The following ST3GAL2 variants were observed in gnomAD, a reference collection of about 807,000 sequenced individuals.
ST3GAL2 encodes ST3 beta-galactoside alpha-2,3-sialyltransferase 2.
Under a neutral mutation model 37.5 loss-of-function variants are expected in ST3GAL2, and 16 were observed. The ratio of observed to expected loss-of-function variants is 0.43; its 90% confidence interval spans 0.29 to 0.65. The LOEUF (loss-of-function observed/expected upper bound fraction) is 0.65. ST3GAL2 is among the 30% of genes least tolerant of loss of function. ST3GAL2 has a pLI of 0.17. For synonymous variants in ST3GAL2, 238 were observed against 202.9 expected, an observed-to-expected ratio of 1.17 and a Z score of -1.47; for missense variants, 383 against 487.8, an observed-to-expected ratio of 0.79 and a Z score of 2.02.
intron 1 of ST3GAL2, among the ~76,000 whole-genome samples, chr16:70,413,540 A>C (rs1439718737): frequency 1.5e-5 from 2 of 135,524 alleles, no homozygotes; most frequent in East Asian, 4.2e-4. Flanking sequence ...ACATGGAGAA[A>C]CCCGTCTCTA....
Position 70,378,611 on chromosome 16 carries a change from A to C in ST3GAL2, c.*3078T>G, listed in dbSNP as rs1597550389. ...CAGCTACTCGGGAGACTGAGGCAGG[A>C]GAATGGCGTGAACCCGGGAGGCGGA... On this transcript the variant is annotated 3_prime_UTR_variant, in exon 7 of 7. Coordinates refer to ENST00000342907, the MANE Select transcript of ST3GAL2 (RefSeq NM_006927.4). 3 of 148,298 alleles carry C rather than the reference A, an allele frequency of 2.0e-5. No individual in the cohort carries two copies. The highest frequency in any genetic ancestry group is 4.4e-4 in the South Asian group (2 of 4,580). The allele number at this position is 148,298 out of a possible 1,614,324, so 9.2% of individuals were successfully genotyped here.
Position 70,398,350 on chromosome 16 carries a change from T to A in ST3GAL2, c.181A>T (p.Ser61Cys). The change falls in exon 2 of 7, where the codon AGC becomes TGC. Residue 61 changes from serine to cysteine, a missense_variant. Around this residue, in one of 2 missense-constraint regions of ST3GAL2, gnomAD observed 223 missense variants for 239.1 expected, o/e 0.93. Coordinates refer to ENST00000342907, the MANE Select transcript of ST3GAL2 (RefSeq NM_006927.4). ...CTCTTGCCCGAGAGCCTCTCCTTGC[T>A]GAGGCGCTGCAGGCCGGCATAGCCG... ...VPGYAGLQRLSKERLSGKSCA... is the reference protein window; with the variant it reads ...VPGYAGLQRLCKERLSGKSCA... 1 of 1,613,508 alleles carries A rather than the reference T, an allele frequency of 6.2e-7. No individual in the cohort carries two copies.
Position 70,414,185 on chromosome 16 carries a change from A to C in ST3GAL2, c.-1003-14652T>G, listed in dbSNP as rs542369396. On this transcript the variant is annotated intron_variant, in intron 1 of 6. Coordinates refer to ENST00000342907, the MANE Select transcript of ST3GAL2 (RefSeq NM_006927.4). ...GAAACTGGGCATCCCTGCCAATACT[A>C]ATCTCTTGGGAACAGGTATCAAACC... 2.0e-5 allele frequency among the ~76,000 whole-genome samples: 3 copies of C among 152,332 alleles called. No individual in the cohort carries two copies. In the South Asian group the frequency reaches 6.2e-4, roughly 32 times the overall value.
chr16:70,388,263 G>T, intron 4 of ST3GAL2, 104 bp downstream of exon 4: 2 of 1,495,202 alleles, frequency 1.3e-6, no homozygotes, highest in Non-Finnish European at 1.8e-6. Flanking sequence ...AGCCCCTCTT[G>T]GCCAAAATGT....
At chr16:70,404,947 C>T (rs1042005002) in intron 1 of ST3GAL2, among the ~76,000 whole-genome samples, 27 of 150,834 alleles carry the variant, frequency 1.8e-4, no homozygotes, top group Middle Eastern at 3.4e-3. Context: ...GCAGGAGAAT[C>T]GCTTGAACTT....
At chr16:70,428,668 C>T (rs913687061) in intron 1 of ST3GAL2, among the ~76,000 whole-genome samples, 2 of 152,238 alleles carry the variant, frequency 1.3e-5, no homozygotes, top group Admixed American at 6.5e-5. Context: ...GGTCCCCACA[C>T]GTCCCCTGCC....
chr16:70,397,158 A>G (rs1175816104), intron 2 of ST3GAL2, among the ~76,000 whole-genome samples: 1 of 148,624 alleles, frequency 6.7e-6, no homozygotes, highest in Admixed American at 6.8e-5. Flanking sequence ...CTCCTGCCTC[A>G]GCCTCCTGAG....
intron 1 of ST3GAL2, among the ~76,000 whole-genome samples, chr16:70,434,445 A>C (rs553957365): frequency 6.2e-4 from 94 of 152,252 alleles, no homozygotes; most frequent in Admixed American, 1.4e-3. Context: ...CAAAAACAAA[A>C]AAAAAAAAAT....
chr16:70,429,182 T>C (rs980243198), intron 1 of ST3GAL2, among the ~76,000 whole-genome samples: 2 of 152,128 alleles, frequency 1.3e-5, no homozygotes, highest in African/African-American at 4.8e-5. Flanking sequence ...TAGGAGAAAG[T>C]TCAAGCCAAT....
chr16:70,402,404 A>G (rs1052789060), intron 1 of ST3GAL2, among the ~76,000 whole-genome samples: 2 of 152,292 alleles, frequency 1.3e-5, no homozygotes, highest in East Asian at 3.9e-4. Context: ...AAAAAACATT[A>G]TATCGAGCAA....
At chr16:70,437,572 C>T (rs2047834274) in intron 1 of ST3GAL2, among the ~76,000 whole-genome samples, 1 of 151,452 alleles carries the variant, frequency 6.6e-6, no homozygotes, top group African/African-American at 2.4e-5. Context: ...ATCTGTGCCA[C>T]CTCTCTGAGC....
At chr16:70,432,925 C>G (rs2047800941) in intron 1 of ST3GAL2, among the ~76,000 whole-genome samples, 1 of 152,234 alleles carries the variant, frequency 6.6e-6, no homozygotes, top group Non-Finnish European at 1.5e-5. Flanking sequence ...TGGCAGAGAG[C>G]CCCAGCTGTG....
intron 1 of ST3GAL2, chr16:70,400,987 G>A (rs1597564008): frequency 6.6e-6 from 1 of 152,318 alleles, no homozygotes; most frequent in Non-Finnish European, 1.5e-5. Context: ...TCTGTAGATG[G>A]GAAGCCAGGT....
intron 1 of ST3GAL2, 67 bp from the exon 2 acceptor site, chr16:70,399,600 C>G (rs1369976352): frequency 2.5e-6 from 1 of 396,344 alleles, no homozygotes; most frequent in African/African-American, 2.1e-5. Context: ...TGTCCCAGCC[C>G]CACCCCAAGC....
chr16:70,434,638 A>G (rs1199175504), intron 1 of ST3GAL2, among the ~76,000 whole-genome samples: 1 of 152,202 alleles, frequency 6.6e-6, no homozygotes, highest in African/African-American at 2.4e-5. Flanking sequence ...TCTACAAAGC[A>G]GCGGCAACAA....
intron 1 of ST3GAL2, among the ~76,000 whole-genome samples, chr16:70,432,783 C>G (rs1182411843): frequency 2.0e-5 from 3 of 152,182 alleles, no homozygotes; most frequent in Non-Finnish European, 4.4e-5. Flanking sequence ...CAGGGCCAGG[C>G]CCTTTAGTTG....
At chr16:70,413,893 T>C (rs2047657492) in intron 1 of ST3GAL2, among the ~76,000 whole-genome samples, 1 of 152,156 alleles carries the variant, frequency 6.6e-6, no homozygotes, top group Non-Finnish European at 1.5e-5. Context: ...TGGAACACTT[T>C]ATGGCTCTGT....
At chr16:70,437,162 C>G (rs531032355) in intron 1 of ST3GAL2, among the ~76,000 whole-genome samples, 1 of 152,332 alleles carries the variant, frequency 6.6e-6, no homozygotes, top group Non-Finnish European at 1.5e-5. Flanking sequence ...CGTGCCACAG[C>G]ACATCACAAC....
chr16:70,393,846 G>C (rs2151661464), intron 3 of ST3GAL2: 1 of 152,218 alleles, frequency 6.6e-6, no homozygotes, highest in South Asian at 2.1e-4. Context: ...TGTTGCTATG[G>C]AGACAGCAAC....
Sources: allele counts gnomAD v4.1 joint callset (sites outside exome capture counted in the v4.1 genomes callset), GRCh38; gene constraint gnomAD v4.1.1; regional missense constraint gnomAD v4.1.1; transcripts MANE v1.5; gene names NCBI Gene and HGNC (gene_info 2026-07-23, HGNC 2026-07-21).